FLT1: variants seen among roughly 807,000 people sequenced by gnomAD.
FLT1 encodes vascular endothelial growth factor receptor 1.
A neutral mutation model predicts 156.3 loss-of-function variants in FLT1; 49 were observed. The observed-to-expected ratio is 0.31, with a 90% CI of 0.25 to 0.40. The LOEUF (loss-of-function observed/expected upper bound fraction) is 0.40. Among genes scored for constraint, FLT1 ranks in the 10% least tolerant of loss-of-function variants. The pLI, the probability that FLT1 is intolerant of heterozygous loss-of-function variation, is 1.00. For synonymous variants in FLT1, 594 were observed against 583.8 expected (o/e 1.02, Z -0.25); for missense variants, 1,322 against 1,637.2 (o/e 0.81, Z 3.32).
chr13:28,466,960 C>G lies in FLT1; in HGVS notation c.331G>C (p.Ala111Pro). The G allele has an allele frequency of 6.2e-7, 1 of 1,614,132 alleles. No individual in the cohort carries two copies. The highest frequency in any genetic ancestry group is 8.5e-7 in the Non-Finnish European group (1 of 1,179,992). Residue 111 changes from alanine (A) to proline (P), a missense_variant, in exon 3 of 30, where the codon GCT (alanine) becomes CCT (proline). By Grantham distance (27) the Ala-to-Pro change is conservative. Coordinates refer to ENST00000282397, the MANE Select transcript of FLT1 (RefSeq NM_002019.4). Reference sequence around the variant, plus strand: ...TCCTTCTTCTTTGAAGTAGGTACAGCTAGATATTTGCAGCTGTAGAAGCCA... The same window carrying G: ...TCCTTCTTCTTTGAAGTAGGTACAGGTAGATATTTGCAGCTGTAGAAGCCA... ...HTGFYSCKYL[A>P]VPTSKKKETE...
At chr13:28,413,664 A>C (rs1017471924) in intron 10 of FLT1, among the ~76,000 whole-genome samples, 1 of 152,222 alleles carries the variant, frequency 6.6e-6, no homozygotes, top group Non-Finnish European at 1.5e-5. Flanking sequence ...TTCAAGAAGG[A>C]GGCTTAAAAT....
At chr13:28,365,137 A>C (rs1873241909) in intron 14 of FLT1, among the ~76,000 whole-genome samples, 1 of 152,186 alleles carries the variant, frequency 6.6e-6, no homozygotes, top group Non-Finnish European at 1.5e-5. Flanking sequence ...TTATAGAAGA[A>C]TATTGAGTAT....
chr13:28,313,154 T>A (rs1455403971), intron 25 of FLT1, among the ~76,000 whole-genome samples: 2 of 152,008 alleles, frequency 1.3e-5, no homozygotes, highest in African/African-American at 4.8e-5. Flanking sequence ...AATTTTTGTA[T>A]TTTTAGTAGA....
chr13:28,330,336 C>A (rs540147583), intron 18 of FLT1, among the ~76,000 whole-genome samples: 2 of 152,188 alleles, frequency 1.3e-5, no homozygotes, highest in South Asian at 2.1e-4. Flanking sequence ...GAGTCTAAAG[C>A]CTAAATTGAG....
chr13:28,349,462 GCGCACA>G (rs1460161328), intron 15 of FLT1, among the ~76,000 whole-genome samples: 134 of 113,214 alleles, frequency 1.2e-3, no homozygotes, highest in African/African-American at 4.0e-3. Context: ...ACACACACAT[GCGCACA>G]CGCACACACA....
chr13:28,361,466 A>T (rs913931576), intron 14 of FLT1, among the ~76,000 whole-genome samples: 1 of 152,040 alleles, frequency 6.6e-6, no homozygotes, highest in African/African-American at 2.4e-5. Context: ...CTGGTGATAC[A>T]CTATCAAGCA....
At chr13:28,360,346 A>T (rs1276888608) in intron 14 of FLT1, among the ~76,000 whole-genome samples, 1 of 152,228 alleles carries the variant, frequency 6.6e-6, no homozygotes, top group African/African-American at 2.4e-5. Context: ...TATCTACCCA[A>T]AGAAATTGAA....
intron 15 of FLT1, among the ~76,000 whole-genome samples, chr13:28,356,659 A>G (rs1872909571): frequency 6.6e-6 from 1 of 152,230 alleles, no homozygotes; most frequent in Admixed American, 6.5e-5. Flanking sequence ...TCAGGGGGAA[A>G]AAAACTGAAG....
chr13:28,368,701 A>AC (rs1269394923), intron 14 of FLT1: 1 of 684,018 alleles, frequency 1.5e-6, no homozygotes, highest in African/African-American at 2.1e-5. Flanking sequence ...TTAGATTGGC[A>AC]GCTTTTTTTT....
Position 28,358,884 on chromosome 13 carries a change from T to A in FLT1, c.2117-1199A>T, listed in dbSNP as rs75533045. 7.3e-3 allele frequency among the ~76,000 whole-genome samples: 1,105 copies of A among 152,198 alleles called. 5 individuals carry two copies. The highest frequency in any genetic ancestry group is 0.011 in the Non-Finnish European group (744 of 67,996). On this transcript the variant is annotated intron_variant, in intron 14 of 29. Transcript: ENST00000282397. ...AAGGAAGGGTGTACTTGGGGAAGGC[T>A]GCATAGAAGAGGTGGGCCTCGAGTT...
At chr13:28,313,759 C>G (rs1871097363) in intron 25 of FLT1, among the ~76,000 whole-genome samples, 1 of 152,152 alleles carries the variant, frequency 6.6e-6, no homozygotes, top group Admixed American at 6.5e-5. Context: ...AGTTCATATC[C>G]TCCCTCTGAC....
chr13:28,459,884 A>T (rs1319231524), intron 3 of FLT1, among the ~76,000 whole-genome samples: 1 of 152,236 alleles, frequency 6.6e-6, no homozygotes, highest in Non-Finnish European at 1.5e-5. Flanking sequence ...GAAAGCGTGA[A>T]CACCTTCTTT....
chr13:28,306,364 GC>G (rs1870749575), intron 29 of FLT1, among the ~76,000 whole-genome samples: 1 of 152,186 alleles, frequency 6.6e-6, no homozygotes, highest in African/African-American at 2.4e-5. Context: ...ACCGCCGGGA[GC>G]GTGTCTCTGT....
chr13:28,401,046 C>A (rs879353040), intron 11 of FLT1, among the ~76,000 whole-genome samples: 1 of 152,012 alleles, frequency 6.6e-6, no homozygotes, highest in African/African-American at 2.4e-5. Flanking sequence ...GCTAACAAGA[C>A]GAAACCCTGT....
In FLT1 at chr13:28,482,859, C is replaced by T. The variant is rs145708879; in HGVS notation, c.64+11921G>A. ...CCCATTTGCCTTCTAAGTGACTTTG[C>T]GTAGCGAATACTTTGATAGGGTATT... On this transcript the variant is annotated intron_variant, in intron 1 of 29. Transcript: ENST00000282397. 3.2e-3 allele frequency among the ~76,000 whole-genome samples: 487 copies of T among 152,316 alleles called. 2 individuals carry two copies. The highest frequency in any genetic ancestry group is 0.011 in the African/African-American group (459 of 41,566).
chr13:28,339,882 T>C (rs1872265565), intron 16 of FLT1, among the ~76,000 whole-genome samples: 1 of 152,202 alleles, frequency 6.6e-6, no homozygotes, highest in Admixed American at 6.5e-5. Flanking sequence ...AGGTTGTAGC[T>C]GAATCCTGAG....
intron 14 of FLT1, among the ~76,000 whole-genome samples, chr13:28,379,407 G>C (rs1335598935): frequency 1.1e-4 from 17 of 152,166 alleles, no homozygotes; most frequent in Non-Finnish European, 4.4e-5. Flanking sequence ...GAATTTTTCA[G>C]GCAAGAACTG....
In FLT1 at chr13:28,360,702, C is replaced by T. The variant is rs796135560; in HGVS notation, c.2117-3017G>A. On this transcript the variant is annotated intron_variant, in intron 14 of 29. Coordinates refer to ENST00000282397, the MANE Select transcript of FLT1 (RefSeq NM_002019.4). ...AGGCTGGGGTGGGGAGAGTTGGATA[C>T]GGACAGGGAAGATATTGGTCACTGG... Among the ~76,000 whole-genome samples the T allele has an allele frequency of 5.8e-4, 88 of 152,076 alleles. 1 individual carries two copies. Among genetic ancestry groups the T allele is most frequent in the African/African-American group, 2.0e-3 (82 of 41,486 alleles).
chr13:28,318,268 A>AG (rs1406048053), intron 24 of FLT1, among the ~76,000 whole-genome samples: 2 of 152,058 alleles, frequency 1.3e-5, no homozygotes, highest in Non-Finnish European at 2.9e-5. Flanking sequence ...GCCTGAGGGA[A>AG]GGGGGGCTTT....
Sources: gnomAD v4.1 joint callset for allele counts (sites outside exome capture counted in the v4.1 genomes callset) on GRCh38, gnomAD v4.1.1 for gene constraint, MANE v1.5 for transcripts, NCBI Gene and HGNC (gene_info 2026-07-23, HGNC 2026-07-21) for gene names.